RNASE4: variants seen among roughly 807,000 people sequenced by gnomAD.
RNASE4 encodes ribonuclease 4.
For synonymous variants in RNASE4, 93 were observed against 71.4 expected (o/e 1.30, Z -1.52); for missense variants, 194 against 192.8 (o/e 1.01, Z -0.04).
Position 20,699,797 on chromosome 14 carries a change from T to A in RNASE4, c.426T>A (p.Pro142=), listed in dbSNP as rs1430038913. ...VIACEGNPQV[P]VHFDG ...CCTGTGAGGGTAACCCACAGGTGCC[T>A]GTGCACTTTGACGGTTAGATGCCAC... Residue 142 remains proline, a synonymous_variant, in exon 2 of 2, where the codon CCT becomes CCA. Coordinates refer to ENST00000555835, the MANE Select transcript of RNASE4 (RefSeq NM_002937.5). 11 of 1,612,564 alleles carry A rather than the reference T, an allele frequency of 6.8e-6. No individual in the cohort carries two copies. In the East Asian group the frequency reaches 2.5e-4, roughly 36 times the overall value.
At chr14:20,695,514 A>T (rs892563100) in intron 1 of RNASE4, among the ~76,000 whole-genome samples, 10 of 152,196 alleles carry the variant, frequency 6.6e-5, no homozygotes, top group Non-Finnish European at 1.5e-4. Flanking sequence ...TGTAAAATAC[A>T]CTGTTCAATC....
At chr14:20,699,240 TAAG>T in intron 1 of RNASE4, 112 bp from the exon 2 acceptor site, 5 of 826,000 alleles carry the variant, frequency 6.1e-6, no homozygotes, top group Middle Eastern at 3.4e-4. Context: ...ATGGTGCATA[TAAG>T]AAGGAGGAAA....
intron 1 of RNASE4, among the ~76,000 whole-genome samples, chr14:20,695,723 C>T (rs181003524): frequency 5.3e-5 from 8 of 152,328 alleles, no homozygotes; most frequent in Admixed American, 2.0e-4. Flanking sequence ...GGCCAAAAGC[C>T]GTGGCTCCCC....
At chr14:20,693,984 T>G in intron 1 of RNASE4, 1 of 1,614,044 alleles carries the variant, frequency 6.2e-7, no homozygotes, top group South Asian at 1.1e-5. Context: ...TCCACTTGGA[T>G]CAGTCAATTT....
intron 1 of RNASE4, among the ~76,000 whole-genome samples, chr14:20,686,523 T>C (rs1309874927): frequency 1.3e-5 from 2 of 152,238 alleles, no homozygotes; most frequent in Non-Finnish European, 2.9e-5. Context: ...TAATTCTCTG[T>C]AAACAGTTAT....
intron 1 of RNASE4, chr14:20,694,131 T>G (rs1402858498): frequency 9.6e-7 from 1 of 1,046,636 alleles, no homozygotes; most frequent in Non-Finnish European, 1.5e-6. Flanking sequence ...CTGGACCTTT[T>G]GTTTTCTGTT....
chr14:20,693,674 A>C, intron 1 of RNASE4: 1 of 1,614,200 alleles, frequency 6.2e-7, no homozygotes, highest in Non-Finnish European at 8.5e-7. Flanking sequence ...CTGACCCAGC[A>C]CTATGATGCC....
chr14:20,693,088 C>A (rs1467202523), intron 1 of RNASE4, among the ~76,000 whole-genome samples: 1 of 151,942 alleles, frequency 6.6e-6, no homozygotes, highest in African/African-American at 2.4e-5. Flanking sequence ...ACCTCGTGAT[C>A]CGCCCGCCTT....
chr14:20,698,394 T>C (rs1266319350), intron 1 of RNASE4, among the ~76,000 whole-genome samples: 1 of 152,212 alleles, frequency 6.6e-6, no homozygotes, highest in African/African-American at 2.4e-5. Flanking sequence ...GAAGACACAA[T>C]CCAAGTTTTC....
At chr14:20,694,034 G>T in intron 1 of RNASE4, 5 of 1,613,386 alleles carry the variant, frequency 3.1e-6, no homozygotes, top group Non-Finnish European at 4.2e-6. Context: ...TCAAGTGCTG[G>T]CTCTGCTGTC....
intron 1 of RNASE4, among the ~76,000 whole-genome samples, chr14:20,692,331 C>A (rs1886802490): frequency 6.6e-6 from 1 of 152,196 alleles, no homozygotes; most frequent in Non-Finnish European, 1.5e-5. Flanking sequence ...GGTCTGCTTC[C>A]CTTCAACTCA....
rs924265275 is a variant in RNASE4 at position 20,693,791 on chromosome 14, G to A, written c.-17-5564G>A. ...ACATTTATTCATGGCAACAAGCGCA[G>A]CATCAAGGCCATCTGTGAAAACAAG... On this transcript the variant is annotated intron_variant, in intron 1 of 1. Transcript: ENST00000555835. 5.6e-6 allele frequency: 9 copies of A among 1,614,084 alleles called. No homozygotes were observed. Among genetic ancestry groups the A allele is most frequent in the Non-Finnish European group, 7.6e-6 (9 of 1,180,034 alleles).
intron 1 of RNASE4, chr14:20,693,901 T>C (rs1886959707): frequency 6.2e-7 from 1 of 1,614,066 alleles, no homozygotes. Flanking sequence ...AGGTTCCCCC[T>C]GGCCTCCATG....
intron 1 of RNASE4, chr14:20,694,165 A>C: frequency 1.3e-6 from 1 of 789,716 alleles, no homozygotes; most frequent in Non-Finnish European, 2.1e-6. Flanking sequence ...AATAAATAAA[A>C]ATGTCTTGAT....
At chr14:20,693,033 G>C (rs1886867624) in intron 1 of RNASE4, among the ~76,000 whole-genome samples, 1 of 151,572 alleles carries the variant, frequency 6.6e-6, no homozygotes, top group South Asian at 2.1e-4. Context: ...ATTTTTAGTA[G>C]AGACGGGGTT....
At position 20,700,036 on chromosome 14, in the gene RNASE4, T is replaced by C. The variant is rs1221882266; in HGVS notation, c.*221T>C. The C allele has an allele frequency of 1.8e-6, 1 of 566,246 alleles. No homozygotes were observed. The highest frequency in any genetic ancestry group is 3.2e-6 in the Non-Finnish European group (1 of 310,058). The allele number at this position is 566,246 out of a possible 1,614,324, so 35.1% of individuals were successfully genotyped here. ...GGCTTTTCTGTAATAAGCTTCCTTT[T>C]ATAATACTGGTCAGCTTAGCTCTCT... is the stretch of plus-strand genomic sequence containing the variant. On this transcript the variant is annotated 3_prime_UTR_variant, in exon 2 of 2. Transcript: ENST00000555835.
At chr14:20,695,287 C>T (rs1373497567) in intron 1 of RNASE4, among the ~76,000 whole-genome samples, 1 of 151,294 alleles carries the variant, frequency 6.6e-6, no homozygotes, top group African/African-American at 2.4e-5. Flanking sequence ...CCCAGCTACT[C>T]GGGAGGCTGA....
intron 1 of RNASE4, chr14:20,693,978 C>T (rs1424139583): frequency 6.2e-7 from 1 of 1,614,096 alleles, no homozygotes; most frequent in South Asian, 1.1e-5. Flanking sequence ...TACCTGTCCA[C>T]TTGGATCAGT....
chr14:20,686,336 GA>G (rs1201106210), intron 1 of RNASE4, among the ~76,000 whole-genome samples: 1 of 152,106 alleles, frequency 6.6e-6, no homozygotes, highest in African/African-American at 2.4e-5. Flanking sequence ...AGCTATTGTT[GA>G]AAACAGATAA....
Sources: gnomAD v4.1 joint callset for allele counts (sites outside exome capture counted in the v4.1 genomes callset) on GRCh38, gnomAD v4.1.1 for gene constraint, MANE v1.5 for transcripts, NCBI Gene and HGNC (gene_info 2026-07-23, HGNC 2026-07-21) for gene names.